The following SORCS1 variants were observed in gnomAD, a reference collection of about 807,000 sequenced individuals.
SORCS1 encodes sortilin related VPS10 domain containing receptor 1, also known as VPS10 domain-containing receptor SorCS1.
SORCS1 carries 60 observed loss-of-function variants against 146.1 expected under a neutral mutation model. That is an observed-to-expected ratio of 0.41 (90% CI 0.33 to 0.51). The LOEUF is 0.51. SORCS1 is among the 20% of genes least tolerant of loss of function. The pLI, the probability that SORCS1 is intolerant of heterozygous loss-of-function variation, is 0.21. For missense variants in SORCS1, 1,352 were observed against 1,487.6 expected, an observed-to-expected ratio of 0.91 and a Z score of 1.50; for synonymous variants, 637 against 584.0, an observed-to-expected ratio of 1.09 and a Z score of -1.31.
chr10:106,602,512 A>AACACACACAC (rs66699179), intron 23 of SORCS1, among the ~76,000 whole-genome samples: 4,713 of 138,734 alleles, frequency 0.034, 85 homozygotes, highest in Middle Eastern at 0.062. Flanking sequence ...ATTCCTTCAT[A>AACACACACAC]ACACACACAC....
At chr10:107,133,156 C>T (rs1422274228) in intron 1 of SORCS1, among the ~76,000 whole-genome samples, 2 of 152,130 alleles carry the variant, frequency 1.3e-5, no homozygotes, top group African/African-American at 4.8e-5. Flanking sequence ...TTTTGAACTA[C>T]AGGAATAAAT....
At chr10:107,104,249 G>A (rs1440574309) in intron 1 of SORCS1, among the ~76,000 whole-genome samples, 2 of 152,140 alleles carry the variant, frequency 1.3e-5, no homozygotes, top group African/African-American at 4.8e-5. Flanking sequence ...TCCTTGCTTT[G>A]GGTTATATTC....
chr10:106,726,328 C>A (rs1203371884), intron 6 of SORCS1, among the ~76,000 whole-genome samples: 1 of 130,828 alleles, frequency 7.6e-6, no homozygotes, highest in Admixed American at 8.3e-5. Context: ...GAATTTTCAC[C>A]CTTGGATAGT....
At position 106,949,375 on chromosome 10, in the gene SORCS1, G is replaced by A. The variant is rs1270463347; in HGVS notation, c.626+7138C>T. ...ACCCACTGCTCTTCCCCTGGACGTG[G>A]CGTGGAGGAGAAGGGAGGCGTTGGG... On this transcript the variant is annotated intron_variant, in intron 2 of 25. Coordinates refer to ENST00000263054, the MANE Select transcript of SORCS1 (RefSeq NM_052918.5). Among the ~76,000 whole-genome samples, 5 of 152,146 alleles carry A rather than the reference G, an allele frequency of 3.3e-5. No homozygotes were observed. In the East Asian group the frequency reaches 9.7e-4, roughly 29 times the overall value.
intron 1 of SORCS1, among the ~76,000 whole-genome samples, chr10:107,073,952 G>A (rs894384635): frequency 5.9e-5 from 9 of 151,642 alleles, no homozygotes; most frequent in African/African-American, 2.2e-4. Context: ...CATATATTCC[G>A]TGCTCCCACA....
intron 3 of SORCS1, among the ~76,000 whole-genome samples, chr10:106,804,442 C>T (rs1245863539): frequency 1.3e-5 from 2 of 151,680 alleles, no homozygotes; most frequent in Non-Finnish European, 2.9e-5. Context: ...AATCCTTCTA[C>T]GTGGTAAACA....
At chr10:106,912,750 C>G (rs1952226547) in intron 2 of SORCS1, among the ~76,000 whole-genome samples, 1 of 152,178 alleles carries the variant, frequency 6.6e-6, no homozygotes, top group Non-Finnish European at 1.5e-5. Context: ...GCAATCTCAG[C>G]TCACTGCAAC....
chr10:106,995,269 G>A (rs1450914079), intron 1 of SORCS1, among the ~76,000 whole-genome samples: 5 of 149,066 alleles, frequency 3.4e-5, no homozygotes, highest in African/African-American at 5.0e-5. Context: ...AGCCGAGATC[G>A]CACCACCGCA....
intron 1 of SORCS1, among the ~76,000 whole-genome samples, chr10:106,986,064 A>T (rs1277577418): frequency 6.6e-6 from 1 of 152,198 alleles, no homozygotes; most frequent in Non-Finnish European, 1.5e-5. Flanking sequence ...ATTAGGTGAT[A>T]GTCATGTCAG....
intron 5 of SORCS1, among the ~76,000 whole-genome samples, chr10:106,750,818 G>C (rs538552538): frequency 1.4e-5 from 2 of 148,096 alleles, no homozygotes; most frequent in South Asian, 4.3e-4. Flanking sequence ...CCAGCACTTT[G>C]GGAGGCCGAG....
At chr10:107,124,924 GCTTTCTTTTCTTT>G (rs1266546551) in intron 1 of SORCS1, among the ~76,000 whole-genome samples, 4 of 151,016 alleles carry the variant, frequency 2.6e-5, no homozygotes, top group South Asian at 2.1e-4. Flanking sequence ...ACTCTGCTCA[GCTTTCTTTTCTTT>G]CTTTCTTTTC....
At chr10:107,098,621 G>C (rs190093299) in intron 1 of SORCS1, among the ~76,000 whole-genome samples, 35 of 152,324 alleles carry the variant, frequency 2.3e-4, no homozygotes, top group African/African-American at 6.7e-4. Flanking sequence ...TTTTATAAGG[G>C]AAGAGGAAAT....
intron 3 of SORCS1, among the ~76,000 whole-genome samples, chr10:106,814,362 G>A (rs1947626446): frequency 6.6e-6 from 1 of 152,164 alleles, no homozygotes; most frequent in African/African-American, 2.4e-5. Context: ...AAGAACACTA[G>A]TAAAAACTAA....
chr10:106,734,554 A>G (rs116240079), intron 5 of SORCS1, among the ~76,000 whole-genome samples: 148 of 152,316 alleles, frequency 9.7e-4, no homozygotes, highest in African/African-American at 3.2e-3. Flanking sequence ...GATTAGCAAA[A>G]AGCATTAACT....
chr10:107,129,677 C>G (rs533475138), intron 1 of SORCS1, among the ~76,000 whole-genome samples: 2 of 152,302 alleles, frequency 1.3e-5, no homozygotes, highest in African/African-American at 4.8e-5. Flanking sequence ...AAGGCTTCTT[C>G]GAAACAAACC....
intron 6 of SORCS1, among the ~76,000 whole-genome samples, chr10:106,724,413 G>A (rs568877677): frequency 3.8e-4 from 57 of 151,646 alleles, no homozygotes; most frequent in African/African-American, 1.0e-3. Context: ...AGGCTGAGGC[G>A]AATCACTTGA....
chr10:107,050,263 A>C (rs575117623), intron 1 of SORCS1, among the ~76,000 whole-genome samples: 1 of 152,276 alleles, frequency 6.6e-6, no homozygotes, highest in African/African-American at 2.4e-5. Context: ...CTGGCAACTT[A>C]CTTTCTAGGG....
chr10:106,713,067 A>C (rs993533727), intron 6 of SORCS1, among the ~76,000 whole-genome samples: 1 of 152,206 alleles, frequency 6.6e-6, no homozygotes, highest in Non-Finnish European at 1.5e-5. Flanking sequence ...GATACAGCAG[A>C]AGATCTTCTG....
At chr10:106,980,929 A>G (rs1589843052) in intron 1 of SORCS1, among the ~76,000 whole-genome samples, 1 of 152,120 alleles carries the variant, frequency 6.6e-6, no homozygotes, top group South Asian at 2.1e-4. Context: ...AGGGGGCTTT[A>G]ATTTATTTCG....
Sources: allele counts gnomAD v4.1 joint callset (sites outside exome capture counted in the v4.1 genomes callset), GRCh38; gene constraint gnomAD v4.1.1; transcripts MANE v1.5; gene names NCBI Gene and HGNC (gene_info 2026-07-23, HGNC 2026-07-21).